CDK14: variants seen among roughly 807,000 people sequenced by gnomAD.
CDK14 encodes cyclin-dependent kinase 14.
A neutral mutation model predicts 60.7 loss-of-function variants in CDK14; 34 were observed. The ratio of observed to expected loss-of-function variants is 0.56; its 90% CI spans 0.43 to 0.75. The LOEUF (loss-of-function observed/expected upper bound fraction) is 0.75. Among genes scored for constraint, CDK14 ranks in the 30% least tolerant of loss-of-function variants. The probability of loss-of-function intolerance (pLI) is 0.00; values close to 1 mark genes in which losing one functional copy is unlikely to be tolerated. For missense variants in CDK14, 482 were observed against 564.1 expected, an observed-to-expected ratio of 0.85 and a Z score of 1.47; for synonymous variants, 197 against 203.7, an observed-to-expected ratio of 0.97 and a Z score of 0.28.
At chr7:90,751,609 A>G (rs1803849750) in intron 4 of CDK14, among the ~76,000 whole-genome samples, 1 of 152,242 alleles carries the variant, frequency 6.6e-6, no homozygotes, top group Non-Finnish European at 1.5e-5. Context: ...GGCACTATAC[A>G]ATAGAAACTA....
chr7:90,989,636 G>T (rs802405), intron 10 of CDK14, among the ~76,000 whole-genome samples: 68,504 of 151,916 alleles, frequency 0.45, 16,094 homozygotes, highest in East Asian at 0.7. Context: ...GTGAGACCCA[G>T]CAATAACGGT....
At chr7:90,961,676 A>G (rs895188124) in intron 9 of CDK14, among the ~76,000 whole-genome samples, 1 of 152,238 alleles carries the variant, frequency 6.6e-6, no homozygotes, top group Non-Finnish European at 1.5e-5. Context: ...CAAATAATGC[A>G]TGATCCAAGT....
chr7:90,638,130 A>G lies in CDK14; in HGVS notation c.123+33881A>G, dbSNP rs867700351. Among the ~76,000 whole-genome samples the G allele has an allele frequency of 2.6e-5, 4 of 152,072 alleles. No individual in the cohort carries two copies. The South Asian group carries it at 8.3e-4, about 32-fold the overall frequency. On this transcript the variant is annotated intron_variant, in intron 2 of 14. Transcript: ENST00000380050. The stretch of plus-strand genomic sequence containing the variant: ...TAATTGGAGCATTTAGTCCATTTAC[A>G]TTTAAAGTTAATATTGTTATGTGTG...
At chr7:90,988,304 C>A (rs1411482581) in intron 10 of CDK14, among the ~76,000 whole-genome samples, 1 of 152,036 alleles carries the variant, frequency 6.6e-6, no homozygotes, top group African/African-American at 2.4e-5. Flanking sequence ...AAATCATTTT[C>A]CTTGACATTG....
At chr7:91,078,144 T>A (rs963026556) in intron 11 of CDK14, among the ~76,000 whole-genome samples, 12 of 152,138 alleles carry the variant, frequency 7.9e-5, no homozygotes, top group African/African-American at 2.9e-4. Context: ...GGGGAATCTA[T>A]CCAACAGAAA....
intron 4 of CDK14, among the ~76,000 whole-genome samples, chr7:90,784,287 A>G (rs1334222685): frequency 6.6e-6 from 1 of 152,124 alleles, no homozygotes; most frequent in Non-Finnish European, 1.5e-5. Context: ...GAGATGGAGG[A>G]TAAAGAGGGG....
At chr7:90,773,349 T>G (rs531295924) in intron 4 of CDK14, among the ~76,000 whole-genome samples, 3 of 152,074 alleles carry the variant, frequency 2.0e-5, no homozygotes, top group Non-Finnish European at 4.4e-5. Flanking sequence ...TTACAACAAA[T>G]TATTTAGCTA....
chr7:90,848,482 C>G (rs1402315986), intron 5 of CDK14, among the ~76,000 whole-genome samples: 1 of 152,140 alleles, frequency 6.6e-6, no homozygotes, highest in Non-Finnish European at 1.5e-5. Context: ...GACTCTTGGC[C>G]CAGCTTGGCT....
intron 7 of CDK14, among the ~76,000 whole-genome samples, chr7:90,905,938 A>G (rs1792681903): frequency 6.6e-6 from 1 of 152,154 alleles, no homozygotes; most frequent in Admixed American, 6.6e-5. Flanking sequence ...GTTGGTTTCT[A>G]TGGGAGGCCA....
chr7:90,799,579 A>T (rs1053593417), intron 5 of CDK14, among the ~76,000 whole-genome samples: 2 of 151,974 alleles, frequency 1.3e-5, no homozygotes, highest in African/African-American at 2.4e-5. Context: ...AATCCCAGCT[A>T]CTAGGGAGGC....
intron 5 of CDK14, among the ~76,000 whole-genome samples, chr7:90,831,836 G>GC (rs1358077879): frequency 6.6e-6 from 1 of 151,956 alleles, no homozygotes; most frequent in Admixed American, 6.6e-5. Context: ...GTAGATCCTG[G>GC]CTTGTCCTCA....
At chr7:90,734,662 G>A (rs1316991482) in intron 3 of CDK14, among the ~76,000 whole-genome samples, 1 of 152,006 alleles carries the variant, frequency 6.6e-6, no homozygotes, top group Non-Finnish European at 1.5e-5. Flanking sequence ...AGCTCCATTA[G>A]TTCATTTATA....
chr7:90,659,875 C>CTG (rs149308809), intron 2 of CDK14, among the ~76,000 whole-genome samples: 2,092 of 128,922 alleles, frequency 0.016, 22 homozygotes, highest in Non-Finnish European at 0.022. Flanking sequence ...CTCTCTCTCT[C>CTG]TGTGTGTGTG....
At chr7:91,100,438 A>G (rs1799118631) in intron 12 of CDK14, among the ~76,000 whole-genome samples, 1 of 152,196 alleles carries the variant, frequency 6.6e-6, no homozygotes, top group Admixed American at 6.5e-5. Flanking sequence ...AACATGATCT[A>G]CTTTTGTAGG....
chr7:91,050,914 G>A (rs1443059759), intron 11 of CDK14, among the ~76,000 whole-genome samples: 2 of 152,148 alleles, frequency 1.3e-5, no homozygotes, highest in African/African-American at 4.8e-5. Context: ...GTCTCCGTGG[G>A]TCTTAGTTGA....
chr7:90,998,836 C>T (rs1337289236), intron 10 of CDK14, among the ~76,000 whole-genome samples: 2 of 152,078 alleles, frequency 1.3e-5, no homozygotes, highest in Admixed American at 6.6e-5. Context: ...TTGCAGTGAG[C>T]GGAGATCGCG....
At chr7:90,624,227 T>C (rs567951408) in intron 2 of CDK14, among the ~76,000 whole-genome samples, 1 of 152,286 alleles carries the variant, frequency 6.6e-6, no homozygotes, top group South Asian at 2.1e-4. Context: ...CTCACCCCCT[T>C]ATTCTGCTTC....
intron 2 of CDK14, among the ~76,000 whole-genome samples, chr7:90,644,697 C>T (rs992024021): frequency 1.3e-5 from 2 of 152,186 alleles, no homozygotes; most frequent in African/African-American, 4.8e-5. Context: ...CTAGGGGCAC[C>T]TCTGGTGATA....
intron 9 of CDK14, among the ~76,000 whole-genome samples, chr7:90,965,916 T>C (rs566723484): frequency 2.6e-5 from 4 of 152,176 alleles, no homozygotes; most frequent in Non-Finnish European, 5.9e-5. Context: ...GTGTGCCCTC[T>C]CATACTTCCT....
Sources: allele counts gnomAD v4.1 joint callset (sites outside exome capture counted in the v4.1 genomes callset), GRCh38; gene constraint gnomAD v4.1.1; transcripts MANE v1.5; gene names NCBI Gene and HGNC (gene_info 2026-07-23, HGNC 2026-07-21).